MLC1: variants seen among roughly 807,000 people sequenced by gnomAD.
MLC1 encodes membrane protein MLC1.
Under a neutral mutation model 44.7 loss-of-function variants are expected in MLC1, and 32 were observed. That is an observed-to-expected ratio of 0.72 (90% CI 0.54 to 0.96). The LOEUF is 0.96. Ranked by LOEUF, MLC1 falls within the 40% of genes least tolerant of loss-of-function variation. MLC1 has a pLI of 0.00. For missense variants in MLC1, 459 were observed against 492.2 expected (o/e 0.93, Z 0.64); for synonymous variants, 190 against 213.0 (o/e 0.89, Z 0.94).
intron 11 of MLC1, among the ~76,000 whole-genome samples, chr22:50,063,269 T>C (rs2061609626): frequency 6.6e-6 from 1 of 151,936 alleles, no homozygotes; most frequent in Admixed American, 6.6e-5. Flanking sequence ...GGTCAGGAGT[T>C]CGAGACCAGT....
At chr22:50,078,469 C>T (rs1464174980) in intron 5 of MLC1, among the ~76,000 whole-genome samples, 4 of 151,582 alleles carry the variant, frequency 2.6e-5, no homozygotes, top group African/African-American at 9.7e-5. Context: ...CAGAGGGAGG[C>T]GGCTCACGCC....
At position 50,084,909 on chromosome 22, in the gene MLC1, T is replaced by TG; in HGVS notation, c.-8dup. ...TGAATGGCTCCTGGGTCATGGCACTTGGGGACACCACAGCTGTGCTGAATG... is the reference window on the plus strand; with the variant it reads ...TGAATGGCTCCTGGGTCATGGCACTTGGGGGACACCACAGCTGTGCTGAATG... On this transcript the variant is annotated 5_prime_UTR_variant, in exon 2 of 12. Coordinates refer to ENST00000311597, the MANE Select transcript of MLC1 (RefSeq NM_015166.4). 3.7e-6 allele frequency: 6 copies of TG among 1,610,584 alleles called. No homozygotes were observed. The highest frequency in any genetic ancestry group is 5.1e-6 in the Non-Finnish European group (6 of 1,180,016).
chr22:50,078,615 T>G (rs2062040531), intron 5 of MLC1, among the ~76,000 whole-genome samples: 1 of 151,806 alleles, frequency 6.6e-6, no homozygotes. Flanking sequence ...GGCGCACGCC[T>G]GTAATCCCAG....
intron 7 of MLC1, among the ~76,000 whole-genome samples, chr22:50,074,976 A>C (rs5771362): frequency 0.29 from 44,598 of 152,172 alleles, 6,873 homozygotes; most frequent in Admixed American, 0.38. Flanking sequence ...GAGCCCTGCT[A>C]TACTGCCACT....
At chr22:50,064,591 T>G (rs1309550359) in intron 10 of MLC1, among the ~76,000 whole-genome samples, 1 of 151,876 alleles carries the variant, frequency 6.6e-6, no homozygotes, top group Non-Finnish European at 1.5e-5. Context: ...AGCAGGATCC[T>G]GAGCGGAGGA....
intron 3 of MLC1, among the ~76,000 whole-genome samples, chr22:50,082,038 A>G (rs1460125563): frequency 1.3e-5 from 2 of 152,230 alleles, no homozygotes; most frequent in Non-Finnish European, 2.9e-5. Flanking sequence ...TGTTTTTAAG[A>G]CATTTCGGGG....
chr22:50,069,463 G>A (rs991694016), intron 9 of MLC1, among the ~76,000 whole-genome samples: 1 of 151,908 alleles, frequency 6.6e-6, no homozygotes, highest in African/African-American at 2.4e-5. Flanking sequence ...TGGCCAACAT[G>A]GTGAAACCCC....
intron 11 of MLC1, among the ~76,000 whole-genome samples, chr22:50,062,141 C>A (rs2061575326): frequency 1.3e-5 from 2 of 150,816 alleles, no homozygotes; most frequent in Admixed American, 1.3e-4. Flanking sequence ...CCCCAGCCAC[C>A]CACCCTGAGC....
At position 50,084,923 on chromosome 22, in the gene MLC1, C is replaced by T; in HGVS notation, c.-21G>A. 6.2e-7 allele frequency: 1 copy of T among 1,609,102 alleles called. No individual in the cohort carries two copies. Among genetic ancestry groups the T allele is most frequent in the Non-Finnish European group, 8.5e-7 (1 of 1,179,974 alleles). On this transcript the variant is annotated 5_prime_UTR_variant, in exon 2 of 12. Coordinates refer to ENST00000311597, the MANE Select transcript of MLC1 (RefSeq NM_015166.4). Reference sequence around the variant, plus strand: ...GTCATGGCACTTGGGGACACCACAGCTGTGCTGAATGTACAGCCACGTGTC... The same window carrying T: ...GTCATGGCACTTGGGGACACCACAGTTGTGCTGAATGTACAGCCACGTGTC...
rs1403942646 is a variant in MLC1 at position 50,060,741 on chromosome 22, G to C, written c.*842C>G. ...TCCAAGCTGGGCATGACAGTGCCCG[G>C]GACGTGGGCAGCGGCCATGTGGCAC... On this transcript the variant is annotated 3_prime_UTR_variant, in exon 12 of 12. Transcript: ENST00000311597. 9.7e-6 allele frequency: 1 copy of C among 103,166 alleles called. No individual in the cohort carries two copies. The highest frequency in any genetic ancestry group is 2.2e-5 in the Non-Finnish European group (1 of 46,038). The allele number at this position is 103,166 out of a possible 1,614,324, so 6.4% of individuals were successfully genotyped here. A position where few individuals can be genotyped will look rare whatever the true frequency, so the allele number is the denominator to read the frequency against.
intron 7 of MLC1, among the ~76,000 whole-genome samples, chr22:50,075,769 T>C (rs1033528627): frequency 6.8e-6 from 1 of 146,464 alleles, no homozygotes; most frequent in East Asian, 2.0e-4. Context: ...AGGACTGAAA[T>C]GCTAAATAAG....
At chr22:50,062,352 C>A (rs1182671381) in intron 11 of MLC1, among the ~76,000 whole-genome samples, 6 of 152,204 alleles carry the variant, frequency 3.9e-5, no homozygotes, top group Non-Finnish European at 8.8e-5. Flanking sequence ...CTGGGACCAG[C>A]AGTTCTGGGA....
rs754164915 is a variant in MLC1 at position 50,077,429 on chromosome 22, G to A, written c.497C>T (p.Ser166Phe). The A allele has an allele frequency of 1.2e-6, 2 of 1,613,880 alleles. No homozygotes were observed. The highest frequency in any genetic ancestry group is 1.7e-6 in the Non-Finnish European group (2 of 1,180,016). The change falls in exon 6 of 12, where the codon TCC becomes TTC. Residue 166 changes from serine (S) to phenylalanine (F), a missense_variant. Physicochemically the swap from Ser to Phe is radical, Grantham distance 155. Coordinates refer to ENST00000311597, the MANE Select transcript of MLC1 (RefSeq NM_015166.4). ...CTTTTTCTTGCAGTCCTCCTCGCTG[G>A]ACCGTGCAGCGATGATCACCGTGGC... is the stretch of plus-strand genomic sequence containing the variant. Reference protein sequence around the residue: ...MAATVIIAARSSEEDCKKKKG... With the variant: ...MAATVIIAARFSEEDCKKKKG...
Position 50,085,003 on chromosome 22 carries a change from C to G in MLC1, c.-59-42G>C, listed in dbSNP as rs568324980. 21 of 1,548,306 alleles carry G rather than the reference C, an allele frequency of 1.4e-5. No individual in the cohort carries two copies. In the East Asian group the frequency reaches 4.9e-4, roughly 36 times the overall value. Reference sequence around the variant, plus strand: ...ATCGGCTTTGGCCACTCTGAGGAAACTTCAATAAGTTGTTTCCAAGAAATA... The same window carrying G: ...ATCGGCTTTGGCCACTCTGAGGAAAGTTCAATAAGTTGTTTCCAAGAAATA... On this transcript the variant is annotated intron_variant, in intron 1 of 11. Coordinates refer to ENST00000311597, the MANE Select transcript of MLC1 (RefSeq NM_015166.4).
rs75474964 is a variant in MLC1 at position 50,068,635 on chromosome 22, G to A, written c.772-80C>T. On this transcript the variant is annotated intron_variant, in intron 9 of 11. Coordinates refer to ENST00000311597, the MANE Select transcript of MLC1 (RefSeq NM_015166.4). Reference sequence around the variant, plus strand: ...AGCGGGCGTGGCCAGGGCTGGGGGGGCGGGCATGGCCGGGCACTCATGGGC... The same window carrying A: ...AGCGGGCGTGGCCAGGGCTGGGGGGACGGGCATGGCCGGGCACTCATGGGC... The A allele has an allele frequency of 3.0e-5, 42 of 1,385,490 alleles. 1 individual carries two copies. The highest frequency in any genetic ancestry group is 2.6e-4 in the South Asian group (22 of 85,756). 85.8% of individuals were successfully genotyped at this position (1,385,490 alleles called of 1,614,324 possible). A position where few individuals can be genotyped will look rare whatever the true frequency, so the allele number is the denominator to read the frequency against.
At chr22:50,081,809 G>A (rs766321823) in intron 3 of MLC1, among the ~76,000 whole-genome samples, 1 of 152,220 alleles carries the variant, frequency 6.6e-6, no homozygotes, top group Non-Finnish European at 1.5e-5. Flanking sequence ...GTGGGGCCAA[G>A]GCTGGGCGGG....
chr22:50,070,521 A>G lies in MLC1; in HGVS notation c.771+6T>C. On this transcript the variant is annotated splice_donor_region_variant and intron_variant, in intron 9 of 11. Coordinates refer to ENST00000311597, the MANE Select transcript of MLC1 (RefSeq NM_015166.4). ...CCTGGCACCCAGGGCTGAGGGGTTC[A>G]CCCACCAGACACTTGCTGGGACACT... 1.3e-6 allele frequency: 2 copies of G among 1,557,808 alleles called. No individual in the cohort carries two copies. Among genetic ancestry groups the G allele is most frequent in the Non-Finnish European group, 1.7e-6 (2 of 1,150,436 alleles).
intron 3 of MLC1, among the ~76,000 whole-genome samples, 156 bp downstream of exon 3, chr22:50,082,928 G>T (rs761776912): frequency 6.6e-6 from 1 of 152,190 alleles, no homozygotes; most frequent in Non-Finnish European, 1.5e-5. Flanking sequence ...ACCCCTCAAA[G>T]TGCTGGCATG....
At chr22:50,063,965 C>T (rs916776810) in intron 11 of MLC1, 69 bp downstream of exon 11, 3 of 1,472,836 alleles carry the variant, frequency 2.0e-6, no homozygotes, top group African/African-American at 2.8e-5. Flanking sequence ...AGGCTTCTCA[C>T]CTCCCTGGCT....
Sources: allele counts gnomAD v4.1 joint callset (sites outside exome capture counted in the v4.1 genomes callset), GRCh38; gene constraint gnomAD v4.1.1; transcripts MANE v1.5; gene names NCBI Gene and HGNC (gene_info 2026-07-23, HGNC 2026-07-21).